UBE3C: variants seen among roughly 807,000 people sequenced by gnomAD.
The protein encoded by UBE3C is ubiquitin protein ligase E3C.
A neutral mutation model predicts 129.4 loss-of-function variants in UBE3C; 42 were observed. That is an observed-to-expected ratio of 0.32 (90% CI 0.25 to 0.42). The LOEUF is 0.42. UBE3C is among the 10% of genes least tolerant of loss of function. UBE3C has a pLI of 1.00. For missense variants in UBE3C, 1,049 were observed against 1,319.1 expected (o/e 0.80, Z 3.17); for synonymous variants, 510 against 492.4 (o/e 1.04, Z -0.47).
intron 11 of UBE3C, among the ~76,000 whole-genome samples, chr7:157,204,535 A>G (rs1221010422): frequency 1.3e-5 from 2 of 152,128 alleles, no homozygotes; most frequent in South Asian, 2.1e-4. Flanking sequence ...GAGAAGCACT[A>G]TTCTTCACCC....
chr7:157,206,302 G>T (rs1321971206), intron 11 of UBE3C, among the ~76,000 whole-genome samples: 2 of 152,062 alleles, frequency 1.3e-5, no homozygotes, highest in East Asian at 1.9e-4. Context: ...TCGCCCTGTT[G>T]CCCAGGCTGG....
intron 13 of UBE3C, among the ~76,000 whole-genome samples, chr7:157,210,463 C>A (rs1809559953): frequency 6.6e-6 from 1 of 152,140 alleles, no homozygotes; most frequent in Non-Finnish European, 1.5e-5. Flanking sequence ...TATGAACTTA[C>A]ACCTCTGTAG....
rs1563064219 is a variant in UBE3C, at chr7:157,225,552, CT to C, written c.2233+16del. On this transcript the variant is annotated intron_variant, in intron 17 of 22. Transcript: ENST00000348165. ...TCTCCAGAAAATGGTATATATAATT[CT>C]TTCTGTGTATTATTTGGCAGGTGGA... 1 of 1,553,748 alleles carries C rather than the reference CT, an allele frequency of 6.4e-7. No individual in the cohort carries two copies. The highest frequency in any genetic ancestry group is 8.6e-7 in the Non-Finnish European group (1 of 1,158,328).
In UBE3C at chr7:157,144,841, A is replaced by C. The variant is rs538039182; in HGVS notation, c.66+5503A>C. On this transcript the variant is annotated intron_variant, in intron 1 of 22. Transcript: ENST00000348165. ...GATCATCAGTTACAATTGATAAACCAATGTCGATGTGTTATTATTAATTGA... is the reference window on the plus strand; with the variant it reads ...GATCATCAGTTACAATTGATAAACCCATGTCGATGTGTTATTATTAATTGA... Among the ~76,000 whole-genome samples, 71 of 152,306 alleles carry C rather than the reference A, an allele frequency of 4.7e-4. 3 individuals are homozygous for C. In the South Asian group the frequency reaches 0.014, roughly 31 times the overall value.
At chr7:157,222,880 G>T in intron 15 of UBE3C, 1 of 217,198 alleles carries the variant, frequency 4.6e-6, no homozygotes, top group Non-Finnish European at 9.2e-6. Flanking sequence ...GCCATAGTAG[G>T]AGGGAAAGGG....
intron 1 of UBE3C, among the ~76,000 whole-genome samples, chr7:157,163,099 G>C (rs1483486579): frequency 6.6e-6 from 1 of 151,926 alleles, no homozygotes; most frequent in Non-Finnish European, 1.5e-5. Flanking sequence ...ATGATACCCA[G>C]AGATGGCCGG....
chr7:157,188,045 C>T (rs1808859778), intron 10 of UBE3C, among the ~76,000 whole-genome samples: 1 of 152,174 alleles, frequency 6.6e-6, no homozygotes, highest in South Asian at 2.1e-4. Flanking sequence ...GAACTGTTTT[C>T]TCTCCCTCCA....
Position 157,225,514 on chromosome 7 carries a change from T to C in UBE3C, c.2208T>C (p.Ala736=). ...GAAGAAATTACATTTATGAAGATGC[T>C]TATGACAAACTTTCTCCAGAAAATG... ...TIRRNYIYED[A]YDKLSPENEP... is the part of the protein sequence containing the mutation. The change falls in exon 17 of 23, where the codon GCT becomes GCC. Residue 736 remains alanine, a synonymous_variant. Coordinates refer to ENST00000348165, the MANE Select transcript of UBE3C (RefSeq NM_014671.3). 6.3e-7 allele frequency: 1 copy of C among 1,593,460 alleles called. No individual in the cohort carries two copies. Among genetic ancestry groups the C allele is most frequent in the South Asian group, 1.2e-5 (1 of 86,886 alleles).
intron 10 of UBE3C, chr7:157,197,742 A>C: frequency 1.2e-6 from 2 of 1,611,596 alleles, no homozygotes; most frequent in Non-Finnish European, 1.7e-6. Flanking sequence ...CTGTACAATA[A>C]AGTTCCGGAC....
chr7:157,234,908 TG>T (rs1796114699), intron 18 of UBE3C, among the ~76,000 whole-genome samples: 1 of 152,198 alleles, frequency 6.6e-6, no homozygotes, highest in Admixed American at 6.5e-5. Flanking sequence ...ATCTTTACAA[TG>T]GGCCAGGCAT....
chr7:157,250,876 G>A (rs1443237073), intron 19 of UBE3C, among the ~76,000 whole-genome samples: 2 of 152,134 alleles, frequency 1.3e-5, no homozygotes, highest in East Asian at 3.9e-4. Flanking sequence ...TGAGGCCTTT[G>A]CTAATGCGAG....
chr7:157,229,835 A>G (rs1204112267), intron 17 of UBE3C, among the ~76,000 whole-genome samples: 1 of 151,006 alleles, frequency 6.6e-6, no homozygotes, highest in African/African-American at 2.4e-5. Flanking sequence ...CTGGTCTTGG[A>G]CTCCTGGCCT....
chr7:157,198,696 A>C, intron 10 of UBE3C, among the ~76,000 whole-genome samples: 1 of 151,956 alleles, frequency 6.6e-6, no homozygotes, highest in East Asian at 1.9e-4. Flanking sequence ...CACCACACCT[A>C]GCAAATTTTT....
chr7:157,150,666 C>A (rs1807732758), intron 1 of UBE3C, among the ~76,000 whole-genome samples: 1 of 152,156 alleles, frequency 6.6e-6, no homozygotes, highest in Admixed American at 6.5e-5. Flanking sequence ...AATTTATTAA[C>A]ATACTTGTAT....
chr7:157,197,931 A>G, intron 10 of UBE3C: 2 of 1,607,980 alleles, frequency 1.2e-6, no homozygotes, highest in Non-Finnish European at 1.7e-6. Context: ...AAGCCTTCCA[A>G]GTTTTTGCCC....
At chr7:157,227,542 C>CAA (rs199763738) in intron 17 of UBE3C, among the ~76,000 whole-genome samples, 16 of 150,224 alleles carry the variant, frequency 1.1e-4, no homozygotes, top group African/African-American at 3.9e-4. Context: ...ACTAAAAATA[C>CAA]AAAAAAAAAT....
Position 157,253,938 on chromosome 7 carries a change from C to T in UBE3C, c.2695-16C>T, listed in dbSNP as rs116658395. 966 of 1,561,928 alleles carry T rather than the reference C, an allele frequency of 6.2e-4. 5 individuals are homozygous for T. In the African/African-American group the frequency reaches 0.012, roughly 19 times the overall value. ...TACTTTGAGGATTTTGAGATCCTTA[C>T]GTTTTGTATTCCCAGGTAGTTGAAC... On this transcript the variant is annotated splice_polypyrimidine_tract_variant and intron_variant, in intron 19 of 22. Coordinates refer to ENST00000348165, the MANE Select transcript of UBE3C (RefSeq NM_014671.3).
rs1809475128 is a variant in UBE3C, at chr7:157,207,791, G to T, written c.1665G>T (p.Gly555=). ...LSRCLRDACL[G]IIKLAYPETK... is the part of the protein sequence containing the mutation. Reference sequence around the variant, plus strand: ...GATGCCTTCGAGATGCATGCCTGGGGATCATCAAGTTGGCTTATCCAGAAA... The same window carrying T: ...GATGCCTTCGAGATGCATGCCTGGGTATCATCAAGTTGGCTTATCCAGAAA... Residue 555 remains glycine (G), a synonymous_variant, in exon 13 of 23, where the codon GGG becomes GGT. Coordinates refer to ENST00000348165, the MANE Select transcript of UBE3C (RefSeq NM_014671.3). 1.2e-6 allele frequency: 2 copies of T among 1,614,004 alleles called. No individual in the cohort carries two copies. Among genetic ancestry groups the T allele is most frequent in the East Asian group, 2.2e-5 (1 of 44,894 alleles).
chr7:157,190,275 C>G (rs945188806), intron 10 of UBE3C, among the ~76,000 whole-genome samples: 1 of 152,132 alleles, frequency 6.6e-6, no homozygotes, highest in Non-Finnish European at 1.5e-5. Context: ...TCTGTCCCCT[C>G]CCAGGGTCTG....
Sources: allele counts gnomAD v4.1 joint callset (sites outside exome capture counted in the v4.1 genomes callset), GRCh38; gene constraint gnomAD v4.1.1; transcripts MANE v1.5; gene names NCBI Gene and HGNC (gene_info 2026-07-23, HGNC 2026-07-21).